SFXN5: variants seen among roughly 807,000 people sequenced by gnomAD.
SFXN5 encodes sideroflexin-5.
A neutral mutation model predicts 50.2 loss-of-function variants in SFXN5; 43 were observed. The ratio of observed to expected loss-of-function variants is 0.86; its 90% CI spans 0.67 to 1.11. The LOEUF is 1.11. SFXN5 is among the 50% of genes least tolerant of loss of function. The pLI, the probability that SFXN5 is intolerant of heterozygous loss-of-function variation, is 0.00. For synonymous variants in SFXN5, 203 were observed against 185.8 expected, an observed-to-expected ratio of 1.09 and a Z score of -0.75; for missense variants, 463 against 454.1, an observed-to-expected ratio of 1.02 and a Z score of -0.18.
chr2:73,013,699 T>A (rs1002180248), intron 6 of SFXN5, among the ~76,000 whole-genome samples: 1 of 152,092 alleles, frequency 6.6e-6, no homozygotes, highest in African/African-American at 2.4e-5. Flanking sequence ...TTTAAATATA[T>A]GTATAAAATG....
intron 12 of SFXN5, among the ~76,000 whole-genome samples, chr2:72,966,384 C>T (rs545601403): frequency 2.0e-5 from 3 of 152,284 alleles, no homozygotes; most frequent in African/African-American, 7.2e-5. Flanking sequence ...CCCGCTTGCT[C>T]CCTGTGTGTA....
intron 11 of SFXN5, among the ~76,000 whole-genome samples, chr2:72,968,789 CCT>C (rs550725619): frequency 1.3e-5 from 2 of 149,908 alleles, no homozygotes; most frequent in African/African-American, 2.5e-5. Context: ...TTCTTTCTTT[CCT>C]CTCTCTCTCT....
At chr2:73,059,794 G>T in intron 1 of SFXN5, 2 of 977,148 alleles carry the variant, frequency 2.0e-6, no homozygotes, top group Non-Finnish European at 2.4e-6. Flanking sequence ...CATAAGGGAG[G>T]CTCACAATGC....
At position 72,971,575 on chromosome 2, in the gene SFXN5, G is replaced by A. The variant is rs763001703; in HGVS notation, c.736C>T (p.Arg246Ter). The A allele has an allele frequency of 3.8e-5, 62 of 1,613,280 alleles. No homozygotes were observed. Among genetic ancestry groups the A allele is most frequent in the South Asian group, 5.5e-5 (5 of 91,012 alleles). ...NLVGSSKIAA[R>*]HALLETALTR... Reference sequence around the variant, plus strand: ...CTGCGAACCCCCAGACCCACGTGTCGGGCTGCGATCTTGGAGGAGCCCACG... The same window carrying A: ...CTGCGAACCCCCAGACCCACGTGTCAGGCTGCGATCTTGGAGGAGCCCACG... The change falls in exon 11 of 14, where the codon CGA becomes TGA. Residue 246 changes from arginine (R) to a stop codon, truncating the protein, a stop_gained. Coordinates refer to ENST00000272433, the MANE Select transcript of SFXN5 (RefSeq NM_144579.3). LOFTEE classifies it high-confidence loss of function.
intron 12 of SFXN5, among the ~76,000 whole-genome samples, chr2:72,967,032 G>C (rs115233590): frequency 6.6e-6 from 1 of 152,214 alleles, no homozygotes; most frequent in Non-Finnish European, 1.5e-5. Flanking sequence ...AGCTTGAAGA[G>C]ACTAAGCTTT....
rs1314759374 is a variant in SFXN5, at chr2:72,942,507, T to C, written c.*2515A>G. The C allele has an allele frequency of 6.6e-6, 1 of 152,388 alleles. No individual in the cohort carries two copies. Among genetic ancestry groups the C allele is most frequent in the Non-Finnish European group, 1.5e-5 (1 of 68,166 alleles). 9.4% of individuals were successfully genotyped at this position (152,388 alleles called of 1,614,324 possible). On this transcript the variant is annotated 3_prime_UTR_variant, in exon 14 of 14. Transcript: ENST00000272433. ...CACAGCTGGCCAGCCCCGCCCTGAC[T>C]GTGTCCAGGCTTAGCCTCCACCCCA...
chr2:73,052,369 T>C lies in SFXN5; in HGVS notation c.171+6159A>G, dbSNP rs1459901572. On this transcript the variant is annotated intron_variant, in intron 2 of 13. Transcript: ENST00000272433. ...GTGTGTGTGTGTATGCGTGTGTGTG[T>C]GTGTGTGTGTGTGTGTGTGTGTGAT... Among the ~76,000 whole-genome samples, 530 of 147,500 alleles carry C rather than the reference T, an allele frequency of 3.6e-3. 4 individuals are homozygous for C. Among genetic ancestry groups the C allele is most frequent in the Middle Eastern group, 0.021 (6 of 290 alleles).
In SFXN5 at chr2:72,950,695, T is replaced by C. The variant is rs1384895544; in HGVS notation, c.946-5596A>G. 2.0e-5 allele frequency among the ~76,000 whole-genome samples: 3 copies of C among 152,260 alleles called. No individual in the cohort carries two copies. Among genetic ancestry groups the C allele is most frequent in the Non-Finnish European group, 4.4e-5 (3 of 68,040 alleles). On this transcript the variant is annotated intron_variant, in intron 13 of 13. Coordinates refer to ENST00000272433, the MANE Select transcript of SFXN5 (RefSeq NM_144579.3). The surrounding 1 kb of genome is among the most constrained non-coding windows in gnomAD (Gnocchi z 4.2). Reference sequence around the variant, plus strand: ...AGGGAACCACATCTAGGGCCTTGCCTGGCAGTGGCCTCTGGACCCATGGAT... The same window carrying C: ...AGGGAACCACATCTAGGGCCTTGCCCGGCAGTGGCCTCTGGACCCATGGAT...
At chr2:73,063,402 G>C (rs932822113) in intron 1 of SFXN5, among the ~76,000 whole-genome samples, 1 of 152,134 alleles carries the variant, frequency 6.6e-6, no homozygotes, top group Non-Finnish European at 1.5e-5. Flanking sequence ...AAAATATTTG[G>C]TATATAATTT....
chr2:73,054,533 G>A (rs1333307347), intron 2 of SFXN5, among the ~76,000 whole-genome samples: 2 of 152,150 alleles, frequency 1.3e-5, no homozygotes, highest in Non-Finnish European at 2.9e-5. Flanking sequence ...GGGAGGAGGA[G>A]GGACTGGGAA....
At chr2:72,966,385 C>G (rs1235109658) in intron 12 of SFXN5, among the ~76,000 whole-genome samples, 2 of 152,156 alleles carry the variant, frequency 1.3e-5, no homozygotes, top group East Asian at 3.9e-4. Context: ...CCGCTTGCTC[C>G]CTGTGTGTAC....
At chr2:73,008,752 G>T (rs568481679) in intron 6 of SFXN5, among the ~76,000 whole-genome samples, 2 of 152,184 alleles carry the variant, frequency 1.3e-5, no homozygotes, top group African/African-American at 4.8e-5. Flanking sequence ...GCATAGCCGC[G>T]GTGCTTATGT....
At chr2:72,968,028 C>T (rs1342719267) in intron 12 of SFXN5, among the ~76,000 whole-genome samples, 1 of 151,980 alleles carries the variant, frequency 6.6e-6, no homozygotes, top group Non-Finnish European at 1.5e-5. Flanking sequence ...CAGATGCCTA[C>T]CCAAATCTAG....
rs527726273 is a variant in SFXN5 at position 72,973,708 on chromosome 2, G to A, written c.626-2023C>T. On this transcript the variant is annotated intron_variant, in intron 10 of 13. Transcript: ENST00000272433. This position sits in a 1 kb window ranked among gnomAD's most constrained non-coding sequence, Gnocchi z 5.5. Reference sequence around the variant, plus strand: ...TATCTCTCCCGCCTCAGCCCCAGGCGCCCAGGGCTCAGGGCCCAGAAGGGT... The same window carrying A: ...TATCTCTCCCGCCTCAGCCCCAGGCACCCAGGGCTCAGGGCCCAGAAGGGT... Among the ~76,000 whole-genome samples the A allele has an allele frequency of 5.5e-4, 83 of 152,288 alleles. 4 individuals carry two copies. Among genetic ancestry groups the A allele is most frequent in the Admixed American group, 6.5e-5 (1 of 15,302 alleles).
chr2:73,063,349 G>GC (rs1348673207), intron 1 of SFXN5, among the ~76,000 whole-genome samples: 1 of 151,984 alleles, frequency 6.6e-6, no homozygotes, highest in Non-Finnish European at 1.5e-5. Flanking sequence ...ACAAAGAAAA[G>GC]CACCACAGCA....
At chr2:72,965,271 G>A (rs865888805) in intron 12 of SFXN5, among the ~76,000 whole-genome samples, 1 of 152,156 alleles carries the variant, frequency 6.6e-6, no homozygotes, top group African/African-American at 2.4e-5. Context: ...TGGGGCAGTC[G>A]GAGGAGAGCC....
At chr2:72,956,191 C>T (rs1296419124) in intron 13 of SFXN5, among the ~76,000 whole-genome samples, 3 of 152,198 alleles carry the variant, frequency 2.0e-5, no homozygotes, top group Admixed American at 6.5e-5. Flanking sequence ...CCACCAGATC[C>T]GCCAGGGCAG....
chr2:72,952,698 TCA>T (rs1345387620), intron 13 of SFXN5, among the ~76,000 whole-genome samples: 2 of 152,220 alleles, frequency 1.3e-5, no homozygotes. Flanking sequence ...CTTTGAGGCC[TCA>T]GTTTCCCCAC....
intron 6 of SFXN5, among the ~76,000 whole-genome samples, chr2:73,006,947 G>A (rs1002244641): frequency 1.3e-5 from 2 of 152,216 alleles, no homozygotes; most frequent in African/African-American, 4.8e-5. Context: ...AGTAAGGAAT[G>A]GGGCCAATGG....
Sources: gnomAD v4.1 joint callset for allele counts (sites outside exome capture counted in the v4.1 genomes callset) on GRCh38, gnomAD v4.1.1 for gene constraint, Gnocchi (gnomAD v3.1) non-coding constraint, MANE v1.5 for transcripts, NCBI Gene and HGNC (gene_info 2026-07-23, HGNC 2026-07-21) for gene names.